H6PD: variants seen among roughly 807,000 people sequenced by gnomAD.
The protein encoded by H6PD is hexose-6-phosphate dehydrogenase/glucose 1-dehydrogenase, also known as GDH/6PGL endoplasmic bifunctional protein.
Under a neutral mutation model 61.2 loss-of-function variants are expected in H6PD, and 48 were observed. The observed-to-expected ratio is 0.78, with a 90% CI of 0.62 to 1.00. The LOEUF is 1.00. H6PD is among the 50% of genes least tolerant of loss of function. H6PD has a pLI of 0.00. For synonymous variants in H6PD, 480 were observed against 457.9 expected (o/e 1.05, Z -0.62); for missense variants, 1,093 against 1,065.0 (o/e 1.03, Z -0.37).
At position 9,262,175 on chromosome 1, in the gene H6PD, G is replaced by C. The variant is rs770715626; in HGVS notation, c.862G>C (p.Ala288Pro). ...GCCCCACAATGTCAGCAGTGCGGAG[G>C]CTGTGCTGCGGCACAAGCTTCAGGT... ...ELPHNVSSAE[A>P]VLRHKLQVFQ... is the part of the protein sequence containing the mutation. The change falls in exon 4 of 5, where the codon GCT (alanine) becomes CCT (proline). Residue 288 changes from alanine (A) to proline (P), a missense_variant. Physicochemically the swap from Ala to Pro is conservative, Grantham distance 27. Coordinates refer to ENST00000377403, the MANE Select transcript of H6PD (RefSeq NM_004285.4). 6.2e-7 allele frequency: 1 copy of C among 1,614,130 alleles called. No homozygotes were observed. Among genetic ancestry groups the C allele is most frequent in the African/African-American group, 1.3e-5 (1 of 74,954 alleles).
In H6PD at chr1:9,245,003, G is replaced by A. The variant is rs780015179; in HGVS notation, c.69G>A (p.Gln23=). 1 of 1,614,164 alleles carries A rather than the reference G, an allele frequency of 6.2e-7. No individual in the cohort carries two copies. Among genetic ancestry groups the A allele is most frequent in the South Asian group, 1.1e-5 (1 of 91,084 alleles). The part of the protein sequence containing the change: ...LLGCLQAQEL[Q]GHVSIILLGA... ...GCTGCCTGCAAGCCCAGGAGCTCCA[G>A]GGACATGTCTCCATAATCCTGCTGG... Residue 23 remains glutamine (Q), a synonymous_variant, in exon 2 of 5, where the codon CAG becomes CAA. Coordinates refer to ENST00000377403, the MANE Select transcript of H6PD (RefSeq NM_004285.4). This position sits in a 1 kb window ranked among gnomAD's most constrained non-coding sequence, Gnocchi z 4.8.
At position 9,262,287 on chromosome 1, in the gene H6PD, A is replaced by C; in HGVS notation, c.974A>C (p.Gln325Pro). Residue 325 changes from glutamine to proline, a missense_variant, in exon 4 of 5, where the codon CAG (glutamine) becomes CCG (proline). By Grantham distance (76) the Gln-to-Pro change is moderately conservative. Transcript: ENST00000377403. ...AGTGAGCAGGTGCGCAGAGAGCTGC[A>C]GAAGCCAGACAGCTTCCACAGCCTG... ...SYSEQVRREL[Q>P]KPDSFHSLTP... is the part of the protein sequence containing the mutation. 1 of 1,608,994 alleles carries C rather than the reference A, an allele frequency of 6.2e-7. No individual in the cohort carries two copies.
At position 9,263,809 on chromosome 1, in the gene H6PD, T is replaced by C. The variant is rs1353336562; in HGVS notation, c.1316T>C (p.Phe439Ser). The change falls in exon 5 of 5, where the codon TTC becomes TCC. Residue 439 changes from phenylalanine (F) to serine (S), a missense_variant. By Grantham distance (155) the Phe-to-Ser change is radical. Coordinates refer to ENST00000377403, the MANE Select transcript of H6PD (RefSeq NM_004285.4). ...EMEGPPGLRL[F>S]GSPLSDYYAY... is the part of the protein sequence containing the mutation. ...GAGGGACCACCTGGGCTCCGCCTTTTCGGCAGCCCTCTGTCCGATTACTAC... is the reference window on the plus strand; with the variant it reads ...GAGGGACCACCTGGGCTCCGCCTTTCCGGCAGCCCTCTGTCCGATTACTAC... 9.3e-6 allele frequency: 15 copies of C among 1,613,860 alleles called. No homozygotes were observed. In the Middle Eastern group the frequency reaches 6.6e-4, roughly 71 times the overall value.
chr1:9,246,489 G>A (rs1036028793), intron 2 of H6PD, among the ~76,000 whole-genome samples: 4 of 152,208 alleles, frequency 2.6e-5, no homozygotes, highest in African/African-American at 9.6e-5. Context: ...CGTGGTGCGG[G>A]TGGGCATAGG....
chr1:9,263,195 T>C (rs1309644176), intron 4 of H6PD, among the ~76,000 whole-genome samples: 1 of 152,132 alleles, frequency 6.6e-6, no homozygotes. Flanking sequence ...GCCCCCACTG[T>C]GGGGCGTCCT....
chr1:9,238,731 G>A (rs1640915926), intron 1 of H6PD, among the ~76,000 whole-genome samples: 1 of 152,154 alleles, frequency 6.6e-6, no homozygotes, highest in South Asian at 2.1e-4. Flanking sequence ...GCAATTGACT[G>A]CATGAGTCTG....
intron 2 of H6PD, 92 bp from the exon 3 acceptor site, chr1:9,246,874 G>A (rs1260069539): frequency 1.0e-5 from 9 of 860,648 alleles, no homozygotes; most frequent in Admixed American, 5.1e-5. Context: ...TCTGAGCAGG[G>A]AATAGAAAGG....
chr1:9,262,327 A>G lies in H6PD; in HGVS notation c.1014A>G (p.Ala338=). Residue 338 remains alanine, a splice_region_variant and synonymous_variant, in exon 4 of 5, where the codon GCA becomes GCG. Coordinates refer to ENST00000377403, the MANE Select transcript of H6PD (RefSeq NM_004285.4). ...DSFHSLTPTF[A]AVLVHIDNLR... ...TCCACAGCCTGACGCCGACCTTCGC[A>G]GGTGGGCCCTGGGGCTGGGCATGGG... 1 of 1,600,394 alleles carries G rather than the reference A, an allele frequency of 6.2e-7. No homozygotes were observed. The highest frequency in any genetic ancestry group is 8.5e-7 in the Non-Finnish European group (1 of 1,173,700).
chr1:9,253,378 T>C (rs1180224632), intron 3 of H6PD, among the ~76,000 whole-genome samples: 3 of 152,226 alleles, frequency 2.0e-5, no homozygotes, highest in Non-Finnish European at 2.9e-5. Flanking sequence ...AGTAAGCAGA[T>C]AACAGGGCTT....
chr1:9,258,876 T>G (rs1357276000), intron 3 of H6PD, among the ~76,000 whole-genome samples: 1 of 152,178 alleles, frequency 6.6e-6, no homozygotes, highest in Non-Finnish European at 1.5e-5. Context: ...TATGTTGTTG[T>G]TACGCTGGTG....
intron 3 of H6PD, among the ~76,000 whole-genome samples, chr1:9,247,903 C>T (rs1265530464): frequency 6.6e-6 from 1 of 152,238 alleles, no homozygotes; most frequent in Non-Finnish European, 1.5e-5. Context: ...AGCACTGGCT[C>T]TTGCCCAGTA....
chr1:9,251,247 C>T (rs540668022), intron 3 of H6PD, among the ~76,000 whole-genome samples: 7 of 152,284 alleles, frequency 4.6e-5, no homozygotes, highest in African/African-American at 1.4e-4. Context: ...TGTCTGGGTC[C>T]GGCTGCCTTT....
chr1:9,240,936 CT>C (rs776030645), intron 1 of H6PD, among the ~76,000 whole-genome samples: 22 of 152,144 alleles, frequency 1.4e-4, no homozygotes, highest in Non-Finnish European at 2.6e-4. Context: ...TGGGGTCCCC[CT>C]GTCCCTGACT....
chr1:9,253,443 A>G (rs1641429765), intron 3 of H6PD, among the ~76,000 whole-genome samples: 1 of 152,206 alleles, frequency 6.6e-6, no homozygotes, highest in South Asian at 2.1e-4. Flanking sequence ...TTAAAGCTTT[A>G]AGTATGCTGT....
At chr1:9,259,216 C>G (rs1208479652) in intron 3 of H6PD, among the ~76,000 whole-genome samples, 2 of 152,206 alleles carry the variant, frequency 1.3e-5, no homozygotes, top group African/African-American at 4.8e-5. Context: ...TCTCGATCTC[C>G]TGACCTCGTG....
In H6PD at chr1:9,263,699, C is replaced by T. The variant is rs139459848; in HGVS notation, c.1206C>T (p.Ile402=). The change falls in exon 5 of 5, where the codon ATC becomes ATT. Residue 402 remains isoleucine (I), a synonymous_variant. Coordinates refer to ENST00000377403, the MANE Select transcript of H6PD (RefSeq NM_004285.4). ...TGCCCCGGCAGCTCGTCTTCCACAT[C>T]GGCCATGGCGACCTGGGCAGCCCTG... ...QCLPRQLVFH[I]GHGDLGSPAV... is the part of the protein sequence containing the mutation. 4.8e-5 allele frequency: 78 copies of T among 1,613,870 alleles called. No homozygotes were observed. Among genetic ancestry groups the T allele is most frequent in the Non-Finnish European group, 6.3e-5 (74 of 1,180,002 alleles).
At chr1:9,258,885 T>A (rs1216593641) in intron 3 of H6PD, among the ~76,000 whole-genome samples, 1 of 152,218 alleles carries the variant, frequency 6.6e-6, no homozygotes, top group East Asian at 1.9e-4. Context: ...GTTACGCTGG[T>A]GTTGTTATGT....
intron 4 of H6PD, 105 bp from the exon 5 acceptor site, chr1:9,263,404 C>A: frequency 9.2e-7 from 1 of 1,084,716 alleles, no homozygotes. Context: ...AGGGGCTTCC[C>A]TGAGGCAGGG....
At chr1:9,247,238 A>G (rs1444106925) in intron 3 of H6PD, among the ~76,000 whole-genome samples, 155 bp downstream of exon 3, 2 of 17,992 alleles carry the variant, frequency 1.1e-4, no homozygotes, top group African/African-American at 5.4e-4. Context: ...GCTAAACCCC[A>G]GGGTGCCGGC....
Sources: allele counts gnomAD v4.1 joint callset (sites outside exome capture counted in the v4.1 genomes callset), GRCh38; gene constraint gnomAD v4.1.1; non-coding constraint Gnocchi (gnomAD v3.1); transcripts MANE v1.5; gene names NCBI Gene and HGNC (gene_info 2026-07-23, HGNC 2026-07-21).